Variants in DAB1 observed in about 807,000 individuals in gnomAD.
The protein encoded by DAB1 is DAB adaptor protein 1.
Under a neutral mutation model 64.6 loss-of-function variants are expected in DAB1, and 15 were observed. The observed-to-expected ratio is 0.23, with a 90% CI of 0.16 to 0.36. The LOEUF (loss-of-function observed/expected upper bound fraction) is 0.36, where lower values mean the gene tolerates loss of function less well. Ranked by LOEUF, DAB1 falls within the 10% of genes least tolerant of loss-of-function variation. The pLI is 1.00. For synonymous variants in DAB1, 235 were observed against 251.9 expected, an observed-to-expected ratio of 0.93 and a Z score of 0.64; for missense variants, 596 against 706.7, an observed-to-expected ratio of 0.84 and a Z score of 1.78.
At chr1:57,564,661 T>A (rs1442464860) in intron 7 of DAB1, among the ~76,000 whole-genome samples, 1 of 152,130 alleles carries the variant, frequency 6.6e-6, no homozygotes, top group African/African-American at 2.4e-5. Context: ...GCCAATCTGA[T>A]CAACTGGAAG....
chr1:57,269,401 C>T (rs1012838835), intron 2 of DAB1, among the ~76,000 whole-genome samples: 2 of 152,044 alleles, frequency 1.3e-5, no homozygotes, highest in Admixed American at 6.6e-5. Context: ...CTCAAAGATG[C>T]CACTGGTTTA....
chr1:57,582,240 G>A (rs1645322264), intron 7 of DAB1, among the ~76,000 whole-genome samples: 1 of 152,206 alleles, frequency 6.6e-6, no homozygotes, highest in African/African-American at 2.4e-5. Context: ...TGTGGCTGCG[G>A]AGGCTTCACA....
At position 57,264,934 on chromosome 1, in the gene DAB1, A is replaced by G. The variant is rs546050059; in HGVS notation, c.67+26030T>C. ...CATTTGTAGTCTTTGTCTGTTTCCA[A>G]GGAGTTTTACTGTAACCTCATTTAA... On this transcript the variant is annotated intron_variant, in intron 2 of 14. Transcript: ENST00000371236. Among the ~76,000 whole-genome samples, 88 of 152,324 alleles carry G rather than the reference A, an allele frequency of 5.8e-4. 1 individual carries two copies. Among genetic ancestry groups the G allele is most frequent in the African/African-American group, 2.1e-3 (86 of 41,572 alleles).
chr1:58,036,541 C>G (rs1647047711), intron 5 of DAB1, among the ~76,000 whole-genome samples: 2 of 152,194 alleles, frequency 1.3e-5, no homozygotes, highest in Admixed American at 6.5e-5. Context: ...CACCAAAGGC[C>G]TTTATTCAAA....
At chr1:58,493,426 G>T (rs1645735557) in intron 3 of DAB1, among the ~76,000 whole-genome samples, 1 of 151,998 alleles carries the variant, frequency 6.6e-6, no homozygotes, top group Admixed American at 6.6e-5. Context: ...GGGCAATCAG[G>T]CAAGAGAAAG....
chr1:57,690,131 C>A (rs1172905929), intron 6 of DAB1, among the ~76,000 whole-genome samples: 1 of 151,990 alleles, frequency 6.6e-6, no homozygotes, highest in Non-Finnish European at 1.5e-5. Context: ...TGTAAAAGTA[C>A]CCATATTTTC....
At chr1:57,832,373 C>T (rs984764033) in intron 1 of DAB1, among the ~76,000 whole-genome samples, 4 of 152,102 alleles carry the variant, frequency 2.6e-5, no homozygotes, top group Admixed American at 6.5e-5. Context: ...ACTCTTGTCA[C>T]GAGGACAATT....
At chr1:57,193,293 A>G (rs569029274) in intron 2 of DAB1, among the ~76,000 whole-genome samples, 3 of 150,288 alleles carry the variant, frequency 2.0e-5, no homozygotes, top group Non-Finnish European at 3.0e-5. Context: ...TTTAGATCCC[A>G]CATATCAGTG....
intron 5 of DAB1, among the ~76,000 whole-genome samples, chr1:58,113,793 T>G (rs1652134633): frequency 6.6e-6 from 1 of 152,118 alleles, no homozygotes; most frequent in African/African-American, 2.4e-5. Context: ...GAAGGCTGTT[T>G]TCAGTAGGAG....
At chr1:57,967,450 C>G (rs967339740) in intron 5 of DAB1, among the ~76,000 whole-genome samples, 1 of 152,136 alleles carries the variant, frequency 6.6e-6, no homozygotes, top group Non-Finnish European at 1.5e-5. Flanking sequence ...CCTAGGTATA[C>G]CTGAATTGGA....
intron 3 of DAB1, among the ~76,000 whole-genome samples, chr1:58,393,143 T>C (rs80300446): frequency 7.6e-6 from 1 of 131,092 alleles, no homozygotes; most frequent in South Asian, 2.4e-4. Context: ...TTTTTTTTTT[T>C]ATAGATACAG....
At chr1:58,308,495 C>T (rs542212538) in intron 4 of DAB1, among the ~76,000 whole-genome samples, 2 of 152,140 alleles carry the variant, frequency 1.3e-5, no homozygotes, top group South Asian at 4.2e-4. Context: ...TTTCCTCCTT[C>T]CACAGTGGAA....
At chr1:58,269,246 T>C (rs938364205) in intron 4 of DAB1, among the ~76,000 whole-genome samples, 1 of 150,456 alleles carries the variant, frequency 6.6e-6, no homozygotes, top group East Asian at 2.0e-4. Context: ...TTCCCACCTA[T>C]GAGTGAGAAT....
chr1:58,323,444 A>G (rs1395192953), intron 4 of DAB1, among the ~76,000 whole-genome samples: 1 of 152,162 alleles, frequency 6.6e-6, no homozygotes, highest in East Asian at 1.9e-4. Flanking sequence ...TAGGCAGATC[A>G]CCAAGAACCT....
At chr1:57,953,740 CAGGCAGGTGAG>C (rs1645326275) in intron 5 of DAB1, among the ~76,000 whole-genome samples, 1 of 152,164 alleles carries the variant, frequency 6.6e-6, no homozygotes, top group Non-Finnish European at 1.5e-5. Flanking sequence ...TAGCATGAAA[CAGGCAGGTGAG>C]AGGAGAGAAA....
intron 6 of DAB1, 182 bp from the exon 7 acceptor site, chr1:57,071,243 C>G (rs149869213): frequency 3.0e-6 from 2 of 666,900 alleles, no homozygotes; most frequent in South Asian, 2.0e-5. Flanking sequence ...CACCTCCACC[C>G]GCACTGTTAA....
At chr1:58,438,171 C>T (rs1013363780) in intron 3 of DAB1, among the ~76,000 whole-genome samples, 1 of 152,190 alleles carries the variant, frequency 6.6e-6, no homozygotes, top group Non-Finnish European at 1.5e-5. Flanking sequence ...AGACATTCCA[C>T]TCTTTTCGTT....
chr1:58,366,657 T>C (rs912345967), intron 3 of DAB1, among the ~76,000 whole-genome samples: 2 of 152,210 alleles, frequency 1.3e-5, no homozygotes, highest in South Asian at 4.1e-4. Context: ...CTTTGAGAGC[T>C]GGAGCTCCCG....
chr1:57,189,815 T>C (rs929503853), intron 2 of DAB1, among the ~76,000 whole-genome samples: 10 of 149,820 alleles, frequency 6.7e-5, no homozygotes, highest in African/African-American at 2.5e-4. Context: ...GAAGCCAACA[T>C]TTGTTGGCAG....
Sources: allele counts gnomAD v4.1 joint callset (sites outside exome capture counted in the v4.1 genomes callset), GRCh38; gene constraint gnomAD v4.1.1; transcripts MANE v1.5; gene names NCBI Gene and HGNC (gene_info 2026-07-23, HGNC 2026-07-21).